The following UBN1 variants were observed in gnomAD, a reference collection of about 807,000 sequenced individuals.
UBN1 encodes ubinuclein 1, also known as ubinuclein-1.
A neutral mutation model predicts 108.5 loss-of-function variants in UBN1; 17 were observed. The ratio of observed to expected loss-of-function variants is 0.16; its 90% CI spans 0.11 to 0.24. The LOEUF is 0.24. UBN1 is among the 10% of genes least tolerant of loss of function. The pLI is 1.00. For synonymous variants in UBN1, 726 were observed against 564.2 expected (o/e 1.29, Z -4.07); for missense variants, 1,595 against 1,394.4 (o/e 1.14, Z -2.29).
chr16:4,854,182 C>T (rs962271693), intron 2 of UBN1, among the ~76,000 whole-genome samples: 13 of 145,836 alleles, frequency 8.9e-5, no homozygotes, highest in African/African-American at 2.3e-4. Flanking sequence ...TGCAGGCGTC[C>T]GCCACCACGC....
intron 7 of UBN1, among the ~76,000 whole-genome samples, chr16:4,864,536 G>C (rs1392047274): frequency 6.6e-6 from 1 of 152,174 alleles, no homozygotes; most frequent in Non-Finnish European, 1.5e-5. Context: ...GGAATCCAGT[G>C]ATTTGATGGC....
intron 8 of UBN1, among the ~76,000 whole-genome samples, chr16:4,869,493 C>T (rs920307571): frequency 2.6e-5 from 4 of 152,206 alleles, no homozygotes; most frequent in Admixed American, 1.3e-4. Flanking sequence ...GCAGTGTTGC[C>T]GCTTTTCTCC....
At chr16:4,863,177 A>G (rs1365910979) in intron 7 of UBN1, among the ~76,000 whole-genome samples, 2 of 152,188 alleles carry the variant, frequency 1.3e-5, no homozygotes, top group East Asian at 1.9e-4. Context: ...ATAGTTGTGA[A>G]TAACTGTTTT....
intron 3 of UBN1, 23 bp downstream of exon 3, chr16:4,858,099 CA>C: frequency 6.6e-7 from 1 of 1,519,288 alleles, no homozygotes; most frequent in Non-Finnish European, 9.1e-7. Context: ...TCTTGAATAA[CA>C]AAACAACCTC....
In UBN1 at chr16:4,875,116, T is replaced by C. The variant is rs1364666760; in HGVS notation, c.2706T>C (p.Asn902=). 1 of 1,614,062 alleles carries C rather than the reference T, an allele frequency of 6.2e-7. No homozygotes were observed. The highest frequency in any genetic ancestry group is 8.5e-7 in the Non-Finnish European group (1 of 1,180,054). ...VSSAGSSYKN[N]PFASSISKHG... Reference sequence around the variant, plus strand: ...CTGCAGGCTCATCTTACAAGAATAATCCCTTTGCCAGCTCAATCTCCAAAC... The same window carrying C: ...CTGCAGGCTCATCTTACAAGAATAACCCCTTTGCCAGCTCAATCTCCAAAC... Residue 902 remains asparagine, a synonymous_variant, in exon 15 of 18, where the codon AAT becomes AAC. Transcript: ENST00000262376.
chr16:4,853,672 C>G (rs2086662243), intron 2 of UBN1, among the ~76,000 whole-genome samples: 1 of 151,960 alleles, frequency 6.6e-6, no homozygotes, highest in African/African-American at 2.4e-5. Context: ...ATTCTCCTGC[C>G]TCAACCTCCC....
intron 1 of UBN1, 187 bp from the exon 2 acceptor site, chr16:4,852,692 G>A: frequency 3.8e-6 from 2 of 523,234 alleles, no homozygotes; most frequent in South Asian, 2.3e-5. Context: ...ATGCTAAGCA[G>A]TGACTATCTC....
At position 4,882,138 on chromosome 16, in the gene UBN1, C is replaced by T. The variant is rs755774131; in HGVS notation, c.*2006C>T. 5 of 152,592 alleles carry T rather than the reference C, an allele frequency of 3.3e-5. No individual in the cohort carries two copies. The highest frequency in any genetic ancestry group is 4.8e-5 in the African/African-American group (2 of 41,500). The allele number at this position is 152,592 out of a possible 1,614,324, so 9.5% of individuals were successfully genotyped here. A position where few individuals can be genotyped will look rare whatever the true frequency, so the allele number is the denominator to read the frequency against. ...AGCCATGGCAAGGCAGACCTACAGG[C>T]GAGGCCGCAGCAGAGGGTGGGGCAG... On this transcript the variant is annotated 3_prime_UTR_variant, in exon 18 of 18. Coordinates refer to ENST00000262376, the MANE Select transcript of UBN1 (RefSeq NM_001079514.3).
chr16:4,858,723 T>A lies in UBN1; in HGVS notation c.432+60T>A. Reference sequence around the variant, plus strand: ...CTGTACCTGTAGCTCCTCCTGATACTGACCAGGAAGCTGGGGGTGGGGTCA... The same window carrying A: ...CTGTACCTGTAGCTCCTCCTGATACAGACCAGGAAGCTGGGGGTGGGGTCA... On this transcript the variant is annotated intron_variant, in intron 4 of 17. Coordinates refer to ENST00000262376, the MANE Select transcript of UBN1 (RefSeq NM_001079514.3). The A allele has an allele frequency of 4.6e-6, 7 of 1,528,900 alleles. No individual in the cohort carries two copies. In the South Asian group the frequency reaches 7.9e-5, roughly 17 times the overall value. 94.7% of individuals were successfully genotyped at this position (1,528,900 alleles called of 1,614,324 possible).
chr16:4,860,189 T>C (rs1360402218), intron 6 of UBN1, among the ~76,000 whole-genome samples: 1 of 152,222 alleles, frequency 6.6e-6, no homozygotes, highest in African/African-American at 2.4e-5. Context: ...GTTGTCACTG[T>C]GTGACTGCTG....
At chr16:4,858,907 T>G in intron 4 of UBN1, 118 bp from the exon 5 acceptor site, 1 of 1,348,988 alleles carries the variant, frequency 7.4e-7, no homozygotes. Context: ...CCAGAGGATG[T>G]TTTAGCATGC....
intron 17 of UBN1, among the ~76,000 whole-genome samples, chr16:4,878,842 C>G (rs2087994149): frequency 6.6e-6 from 1 of 152,162 alleles, no homozygotes; most frequent in Non-Finnish European, 1.5e-5. Context: ...AAGACCCTAT[C>G]TCTACATTTA....
At chr16:4,872,384 C>G in intron 12 of UBN1, 1 of 983,238 alleles carries the variant, frequency 1.0e-6, no homozygotes, top group Non-Finnish European at 1.2e-6. Flanking sequence ...CTTTGGGCAG[C>G]CAGTGTGTCC....
chr16:4,852,727 G>T, intron 1 of UBN1, 152 bp from the exon 2 acceptor site: 1 of 807,254 alleles, frequency 1.2e-6, no homozygotes, highest in Non-Finnish European at 1.8e-6. Flanking sequence ...AAAATTTTAG[G>T]ATGAATAAGC....
Position 4,853,892 on chromosome 16 carries a change from C to T in UBN1, c.249+726C>T, listed in dbSNP as rs558808663. 2.1e-4 allele frequency among the ~76,000 whole-genome samples: 32 copies of T among 152,014 alleles called. No homozygotes were observed. In the South Asian group the frequency reaches 2.5e-3, roughly 12 times the overall value. Reference sequence around the variant, plus strand: ...TTGATGGATTTTCATGAACTCAGTACCCCCATGTAACCTGCACGTAGGTCA... The same window carrying T: ...TTGATGGATTTTCATGAACTCAGTATCCCCATGTAACCTGCACGTAGGTCA... On this transcript the variant is annotated intron_variant, in intron 2 of 17. Transcript: ENST00000262376.
At chr16:4,853,580 C>CCT (rs1229165671) in intron 2 of UBN1, among the ~76,000 whole-genome samples, 1 of 148,390 alleles carries the variant, frequency 6.7e-6, no homozygotes, top group African/African-American at 2.5e-5. Context: ...TTTTTCGAGA[C>CCT]CGAGTCTCGC....
At chr16:4,871,650 G>A (rs1177941467) in intron 12 of UBN1, among the ~76,000 whole-genome samples, 1 of 124,896 alleles carries the variant, frequency 8.0e-6, no homozygotes, top group Admixed American at 1.0e-4. Flanking sequence ...GCAGTGGTAT[G>A]ATCTCAGCTC....
At chr16:4,848,793 A>G (rs757365392) in intron 1 of UBN1, among the ~76,000 whole-genome samples, 10 of 152,252 alleles carry the variant, frequency 6.6e-5, no homozygotes, top group South Asian at 4.1e-4. Flanking sequence ...TGAGATTTTA[A>G]TAACTTAAAT....
chr16:4,858,914 A>G (rs1293671746), intron 4 of UBN1, 111 bp from the exon 5 acceptor site: 1 of 1,393,208 alleles, frequency 7.2e-7, no homozygotes. Flanking sequence ...ATGTTTTAGC[A>G]TGCTCTTGGA....
Sources: allele counts gnomAD v4.1 joint callset (sites outside exome capture counted in the v4.1 genomes callset), GRCh38; gene constraint gnomAD v4.1.1; transcripts MANE v1.5; gene names NCBI Gene and HGNC (gene_info 2026-07-23, HGNC 2026-07-21).